PAPSS1: variants seen among roughly 807,000 people sequenced by gnomAD.
PAPSS1 encodes the protein 3'-phosphoadenosine 5'-phosphosulfate synthase 1, also known as bifunctional 3'-phosphoadenosine 5'-phosphosulfate synthase 1.
In PAPSS1, 50 loss-of-function variants were observed where a neutral mutation model predicts 72.0. The ratio of observed to expected loss-of-function variants is 0.69; its 90% CI spans 0.55 to 0.88. PAPSS1 has a LOEUF of 0.88. Ranked by LOEUF, PAPSS1 falls within the 40% of genes least tolerant of loss-of-function variation. The pLI, the probability that PAPSS1 is intolerant of heterozygous loss-of-function variation, is 0.00. For missense variants in PAPSS1, 657 were observed against 782.2 expected (o/e 0.84, Z 1.91); for synonymous variants, 261 against 263.6 (o/e 0.99, Z 0.09).
intron 1 of PAPSS1, among the ~76,000 whole-genome samples, chr4:107,706,027 C>T (rs994562708): frequency 1.3e-5 from 2 of 152,218 alleles, no homozygotes; most frequent in Non-Finnish European, 1.5e-5. Flanking sequence ...AAGTCTGCTG[C>T]TAGCATTTTT....
At chr4:107,669,005 A>G (rs2110328488) in intron 5 of PAPSS1, among the ~76,000 whole-genome samples, 1 of 152,308 alleles carries the variant, frequency 6.6e-6, no homozygotes, top group African/African-American at 2.4e-5. Flanking sequence ...CTTGCTTTAA[A>G]GCAACATGGT....
intron 5 of PAPSS1, among the ~76,000 whole-genome samples, chr4:107,670,901 G>T (rs374094401): frequency 2.0e-5 from 3 of 152,028 alleles, no homozygotes; most frequent in East Asian, 3.9e-4. Flanking sequence ...GTTTTAGAGC[G>T]AAAAAAAGGA....
chr4:107,640,174 T>G (rs987829953), intron 10 of PAPSS1, among the ~76,000 whole-genome samples: 1 of 152,190 alleles, frequency 6.6e-6, no homozygotes, highest in South Asian at 2.1e-4. Context: ...ATGAGACAAA[T>G]AGAATTTCCT....
Position 107,693,896 on chromosome 4 carries a change from T to C in PAPSS1, c.286A>G (p.Asn96Asp). Residue 96 changes from asparagine (N) to aspartate (D), a missense_variant, in exon 3 of 12, where the codon AAT becomes GAT. Transcript: ENST00000265174. ...TCAGGACTAAAGCCAAGATTTTTATTGAGACCTTGACGAATATTGTCACCA... is the reference window on the plus strand; with the variant it reads ...TCAGGACTAAAGCCAAGATTTTTATCGAGACCTTGACGAATATTGTCACCA... ...LDGDNIRQGL[N>D]KNLGFSPEDR... is the part of the protein sequence containing the mutation. 2.5e-6 allele frequency: 4 copies of C among 1,613,776 alleles called. No individual in the cohort carries two copies. The highest frequency in any genetic ancestry group is 3.4e-6 in the Non-Finnish European group (4 of 1,179,744).
intron 10 of PAPSS1, among the ~76,000 whole-genome samples, chr4:107,642,215 T>G (rs1726564662): frequency 6.6e-6 from 1 of 152,188 alleles, no homozygotes; most frequent in African/African-American, 2.4e-5. Flanking sequence ...TTATAAGAAT[T>G]TATTTCTAGT....
At chr4:107,716,695 A>G (rs900604323) in intron 1 of PAPSS1, among the ~76,000 whole-genome samples, 1 of 149,238 alleles carries the variant, frequency 6.7e-6, no homozygotes, top group Non-Finnish European at 1.5e-5. Flanking sequence ...GATATTCATT[A>G]TATCTGACGC....
chr4:107,693,848 G>A lies in PAPSS1; in HGVS notation c.334C>T (p.Arg112Cys). 1.2e-6 allele frequency: 2 copies of A among 1,613,912 alleles called. No homozygotes were observed. The highest frequency in any genetic ancestry group is 1.3e-5 in the African/African-American group (1 of 75,026). The change falls in exon 3 of 12, where the codon CGC becomes TGC. Residue 112 changes from arginine to cysteine, a missense_variant. Physicochemically the swap from Arg to Cys is radical, Grantham distance 180 (BLOSUM62 -3). Around this residue, in one of 7 missense-constraint regions of PAPSS1, gnomAD observed 119 missense variants for 171.1 expected, o/e 0.70. Coordinates refer to ENST00000265174, the MANE Select transcript of PAPSS1 (RefSeq NM_005443.5). The stretch of plus-strand genomic sequence containing the variant: ...AACAGTTTAGCAACTTCTGCGATGC[G>A]TCGAACATTCTCTTCTCTGTCTTCA... The part of the protein sequence containing the change: ...SPEDREENVR[R>C]IAEVAKLFAD...
chr4:107,622,067 C>T (rs897692426), intron 11 of PAPSS1, among the ~76,000 whole-genome samples: 2 of 152,170 alleles, frequency 1.3e-5, no homozygotes, highest in African/African-American at 4.8e-5. Flanking sequence ...GGAACTGTCT[C>T]ATTTGCTCTT....
At chr4:107,644,290 T>C (rs1401742868) in intron 10 of PAPSS1, among the ~76,000 whole-genome samples, 2 of 152,138 alleles carry the variant, frequency 1.3e-5, no homozygotes, top group Non-Finnish European at 2.9e-5. Context: ...TAGCAGATCT[T>C]CCCCTGAAGT....
intron 1 of PAPSS1, among the ~76,000 whole-genome samples, chr4:107,712,877 A>AG (rs994493570): frequency 1.6e-5 from 1 of 62,834 alleles, no homozygotes; most frequent in African/African-American, 3.8e-5. Context: ...GTCTCGGGAA[A>AG]GAAAAAAAAA....
chr4:107,689,759 C>A (rs557728957), intron 3 of PAPSS1, among the ~76,000 whole-genome samples: 56 of 152,244 alleles, frequency 3.7e-4, no homozygotes, highest in African/African-American at 1.2e-3. Flanking sequence ...TTCCTAAACT[C>A]TAAAACCAAT....
intron 11 of PAPSS1, among the ~76,000 whole-genome samples, chr4:107,621,799 T>C (rs1227245684): frequency 1.3e-5 from 2 of 151,250 alleles, no homozygotes; most frequent in Non-Finnish European, 2.9e-5. Flanking sequence ...TTTTTTTTTG[T>C]ATTTTTTTTT....
intron 7 of PAPSS1, 151 bp from the exon 8 acceptor site, chr4:107,655,051 C>A: frequency 2.2e-6 from 1 of 460,592 alleles, no homozygotes. Context: ...CACAGAAAAA[C>A]GAAAGACAGA....
intron 1 of PAPSS1, among the ~76,000 whole-genome samples, chr4:107,705,782 T>C (rs1056097958): frequency 2.0e-5 from 3 of 152,262 alleles, no homozygotes; most frequent in African/African-American, 7.2e-5. Flanking sequence ...TTTTATACTT[T>C]CATGTTACTA....
At position 107,718,569 on chromosome 4, in the gene PAPSS1, G is replaced by C. The variant is rs575181018; in HGVS notation, c.60+1551C>G. On this transcript the variant is annotated intron_variant, in intron 1 of 11. Transcript: ENST00000265174. ...TACGCCACTCACTCTGGACCACAAA[G>C]ACATATTCACCACTTGGCAAATGTC... is the stretch of plus-strand genomic sequence containing the variant. 3.3e-5 allele frequency among the ~76,000 whole-genome samples: 5 copies of C among 152,228 alleles called. No individual in the cohort carries two copies. In the East Asian group the frequency reaches 7.7e-4, roughly 24 times the overall value.
At chr4:107,690,952 A>G (rs972611529) in intron 3 of PAPSS1, among the ~76,000 whole-genome samples, 1 of 152,184 alleles carries the variant, frequency 6.6e-6, no homozygotes, top group African/African-American at 2.4e-5. Context: ...TGCCAATATC[A>G]TATTTTTATG....
chr4:107,632,615 A>T (rs1726252813), intron 10 of PAPSS1, among the ~76,000 whole-genome samples: 1 of 152,134 alleles, frequency 6.6e-6, no homozygotes, highest in African/African-American at 2.4e-5. Flanking sequence ...AAAAAACAAA[A>T]ATTAGTCTAA....
rs553895681 is a variant in PAPSS1, at chr4:107,621,217, G to A, written c.1737-6830C>T. On this transcript the variant is annotated intron_variant, in intron 11 of 11. Coordinates refer to ENST00000265174, the MANE Select transcript of PAPSS1 (RefSeq NM_005443.5). Reference sequence around the variant, plus strand: ...ACTTCTTTATTCAACTGCAACCAGTGAGATTTATGGCATAGTATGGTACCA... The same window carrying A: ...ACTTCTTTATTCAACTGCAACCAGTAAGATTTATGGCATAGTATGGTACCA... Among the ~76,000 whole-genome samples the A allele has an allele frequency of 9.6e-4, 146 of 152,216 alleles. 2 individuals are homozygous for A. Among genetic ancestry groups the A allele is most frequent in the African/African-American group, 3.1e-3 (129 of 41,514 alleles).
chr4:107,651,418 C>T (rs112846102), intron 9 of PAPSS1, among the ~76,000 whole-genome samples: 5,330 of 152,256 alleles, frequency 0.035, 288 homozygotes, highest in African/African-American at 0.12. Flanking sequence ...GTTCACACAA[C>T]AAAAATTAAG....
Sources: allele counts gnomAD v4.1 joint callset (sites outside exome capture counted in the v4.1 genomes callset), GRCh38; gene constraint gnomAD v4.1.1; regional missense constraint gnomAD v4.1.1; transcripts MANE v1.5; gene names NCBI Gene and HGNC (gene_info 2026-07-23, HGNC 2026-07-21).